PCDHA2: variants seen among roughly 807,000 people sequenced by gnomAD.
PCDHA2 encodes protocadherin alpha-2.
Under a neutral mutation model 66.0 loss-of-function variants are expected in PCDHA2, and 58 were observed. The ratio of observed to expected loss-of-function variants is 0.88; its 90% CI spans 0.71 to 1.09. PCDHA2 has a LOEUF of 1.09. PCDHA2 is among the 50% of genes least tolerant of loss of function. The pLI is 0.00. For synonymous variants in PCDHA2, 634 were observed against 554.0 expected, an observed-to-expected ratio of 1.14 and a Z score of -2.03; for missense variants, 1,267 against 1,242.3, an observed-to-expected ratio of 1.02 and a Z score of -0.30.
chr5:140,929,465 A>G (rs2086179280), intron 1 of PCDHA2: 1 of 1,322,058 alleles, frequency 7.6e-7, no homozygotes, highest in African/African-American at 1.5e-5. Flanking sequence ...CTGTGCCAAG[A>G]AATCTGGAAG....
intron 1 of PCDHA2, chr5:140,865,253 G>T (rs782676084): frequency 6.6e-6 from 1 of 152,152 alleles, no homozygotes; most frequent in Non-Finnish European, 1.5e-5. Context: ...TAGCTGTAAG[G>T]ATGTGTATCA....
chr5:140,923,152 T>C (rs2153567399), intron 1 of PCDHA2, among the ~76,000 whole-genome samples: 1 of 152,204 alleles, frequency 6.6e-6, no homozygotes, highest in South Asian at 2.1e-4. Context: ...TAAAAAAAAT[T>C]ATAGAAAGAT....
At chr5:140,925,138 CA>C (rs2153576707) in intron 1 of PCDHA2, among the ~76,000 whole-genome samples, 1 of 151,676 alleles carries the variant, frequency 6.6e-6, no homozygotes, top group South Asian at 2.1e-4. Flanking sequence ...AAATTTCAAA[CA>C]TACACAAAAG....
rs2150170634 is a variant in PCDHA2 at position 140,829,586 on chromosome 5, G to A, written c.2388+32234G>A. ...GTCCTACTCGCTGGTGGAGCGGCGG[G>A]TGGGCGAGCGCGCGTTGTCGAGCTA... On this transcript the variant is annotated intron_variant, in intron 1 of 3. Coordinates refer to ENST00000526136, the MANE Select transcript of PCDHA2 (RefSeq NM_018905.3). 10 of 1,612,232 alleles carry A rather than the reference G, an allele frequency of 6.2e-6. No individual in the cohort carries two copies. Among genetic ancestry groups the A allele is most frequent in the Non-Finnish European group, 7.6e-6 (9 of 1,179,786 alleles).
intron 1 of PCDHA2, chr5:140,825,249 A>G (rs1212475571): frequency 6.6e-5 from 10 of 151,408 alleles, no homozygotes; most frequent in African/African-American, 2.4e-4. Context: ...ATGGTGTTCC[A>G]TTGTGTAGGT....
At chr5:140,963,693 A>G (rs782642148) in intron 1 of PCDHA2, among the ~76,000 whole-genome samples, 15 of 152,210 alleles carry the variant, frequency 9.9e-5, no homozygotes, top group Non-Finnish European at 2.2e-4. Context: ...TCCGTGTTTG[A>G]TATCTAAAGG....
At chr5:140,876,709 C>T (rs782033453) in intron 1 of PCDHA2, 1 of 1,614,248 alleles carries the variant, frequency 6.2e-7, no homozygotes, top group Non-Finnish European at 8.5e-7. Context: ...GGACAGCGCC[C>T]TGGACCGCGA....
chr5:140,893,519 C>T (rs1199543838), intron 1 of PCDHA2, among the ~76,000 whole-genome samples: 1 of 152,084 alleles, frequency 6.6e-6, no homozygotes, highest in African/African-American at 2.4e-5. Flanking sequence ...AGTTGTAGAA[C>T]TCCTTTAAGT....
rs781967700 is a variant in PCDHA2, at chr5:140,796,704, G to C, written c.1740G>C (p.Leu580=). 6.2e-7 allele frequency: 1 copy of C among 1,613,992 alleles called. No homozygotes were observed. The highest frequency in any genetic ancestry group is 8.5e-7 in the Non-Finnish European group (1 of 1,179,906). The change falls in exon 1 of 4, where the codon CTG becomes CTC. Residue 580 remains leucine, a synonymous_variant. Transcript: ENST00000526136. ...CCGCTGCTGGCGCAGTGAGTGAGCT[G>C]GTGCCGTGGTCGGTGGGTGCAGGGC... ...AGTAAGAVSE[L]VPWSVGAGHV...
At chr5:140,804,723 C>A in intron 1 of PCDHA2, 1 of 182,794 alleles carries the variant, frequency 5.5e-6, no homozygotes, top group Non-Finnish European at 1.1e-5. Context: ...TTTTTCTAAT[C>A]ACTACCCCTA....
At chr5:140,995,214 CTCT>C (rs1563606225) in intron 3 of PCDHA2, among the ~76,000 whole-genome samples, 1 of 152,136 alleles carries the variant, frequency 6.6e-6, no homozygotes, top group East Asian at 1.9e-4. Flanking sequence ...AGGCACAATA[CTCT>C]TGTGCTTTGG....
intron 1 of PCDHA2, among the ~76,000 whole-genome samples, chr5:140,923,974 C>A (rs2081604148): frequency 6.6e-6 from 1 of 152,212 alleles, no homozygotes; most frequent in African/African-American, 2.4e-5. Flanking sequence ...CCCACACATA[C>A]TATCCCTCTA....
intron 1 of PCDHA2, among the ~76,000 whole-genome samples, chr5:140,902,816 G>A (rs1447534950): frequency 6.6e-6 from 1 of 150,906 alleles, no homozygotes; most frequent in Non-Finnish European, 1.5e-5. Flanking sequence ...TACAATATTT[G>A]GTTTTCGATT....
At chr5:140,857,184 G>C in intron 1 of PCDHA2, 1 of 1,598,552 alleles carries the variant, frequency 6.3e-7, no homozygotes. Flanking sequence ...CATGATTCAG[G>C]AGCCAACGGA....
At chr5:140,843,511 C>CG in intron 1 of PCDHA2, 2 of 1,595,670 alleles carry the variant, frequency 1.3e-6, no homozygotes, top group Non-Finnish European at 1.7e-6. Flanking sequence ...CCACTGAGGG[C>CG]GGGTGCCGGG....
At chr5:140,960,934 A>G (rs1429908471) in intron 1 of PCDHA2, among the ~76,000 whole-genome samples, 3 of 152,236 alleles carry the variant, frequency 2.0e-5, no homozygotes, top group Admixed American at 1.3e-4. Context: ...TACTAAGTTT[A>G]GTGAATTAGA....
At chr5:140,859,674 A>G (rs1480845911) in intron 1 of PCDHA2, 1 of 154,702 alleles carries the variant, frequency 6.5e-6, no homozygotes. Flanking sequence ...ATAGCTTCAA[A>G]TAAAATTAAA....
rs562713934 is a variant in PCDHA2, at chr5:140,967,172, G to A, written c.2389-11777G>A. 1.1e-5 allele frequency: 17 copies of A among 1,612,080 alleles called. No individual in the cohort carries two copies. The highest frequency in any genetic ancestry group is 2.2e-5 in the East Asian group (1 of 44,778). On this transcript the variant is annotated intron_variant, in intron 1 of 3. Coordinates refer to ENST00000526136, the MANE Select transcript of PCDHA2 (RefSeq NM_018905.3). ...CCCCGTGGCGGTGAGCGCCGTTGAG[G>A]TGGAAATATTGGACATCAACGACAA...
chr5:140,947,668 T>A (rs2094160892), intron 1 of PCDHA2, among the ~76,000 whole-genome samples: 1 of 151,602 alleles, frequency 6.6e-6, no homozygotes, highest in Admixed American at 6.6e-5. Flanking sequence ...TACTTGGGTC[T>A]TTAAAAAATT....
Sources: gnomAD v4.1 joint callset for allele counts (sites outside exome capture counted in the v4.1 genomes callset) on GRCh38, gnomAD v4.1.1 for gene constraint, MANE v1.5 for transcripts, NCBI Gene and HGNC (gene_info 2026-07-23, HGNC 2026-07-21) for gene names.